RGS17: variants seen among roughly 807,000 people sequenced by gnomAD.
RGS17 encodes the protein regulator of G protein signaling 17.
In RGS17, 12 loss-of-function variants were observed where a neutral mutation model predicts 25.5. The ratio of observed to expected loss-of-function variants is 0.47; its 90% CI spans 0.30 to 0.76. The LOEUF is 0.76. Ranked by LOEUF, RGS17 falls within the 30% of genes least tolerant of loss-of-function variation. The probability of loss-of-function intolerance (pLI) is 0.07; values close to 1 mark genes in which losing one functional copy is unlikely to be tolerated. For synonymous variants in RGS17, 71 were observed against 76.9 expected, an observed-to-expected ratio of 0.92 and a Z score of 0.40; for missense variants, 196 against 242.2, an observed-to-expected ratio of 0.81 and a Z score of 1.27.
At chr6:153,129,009 G>C (rs1199923473) in intron 1 of RGS17, among the ~76,000 whole-genome samples, 1 of 152,104 alleles carries the variant, frequency 6.6e-6, no homozygotes, top group Non-Finnish European at 1.5e-5. Context: ...TAAATTCGAC[G>C]GTTTTCTTAA....
intron 1 of RGS17, among the ~76,000 whole-genome samples, chr6:153,109,985 G>GT (rs1397162251): frequency 6.6e-6 from 1 of 152,158 alleles, no homozygotes; most frequent in East Asian, 1.9e-4. Context: ...ATGATATACT[G>GT]TTTCCTAATA....
At chr6:153,071,200 T>C (rs1776798543) in intron 1 of RGS17, among the ~76,000 whole-genome samples, 1 of 150,544 alleles carries the variant, frequency 6.6e-6, no homozygotes, top group African/African-American at 2.4e-5. Context: ...TCAATATATA[T>C]ACACACAGTC....
chr6:153,010,261 A>G lies in RGS17; in HGVS notation c.*1313T>C, dbSNP rs1331315961. On this transcript the variant is annotated 3_prime_UTR_variant, in exon 5 of 5. Coordinates refer to ENST00000206262, the MANE Select transcript of RGS17 (RefSeq NM_012419.5). ...ACTGATTATTTTAATTATCACTTTT[A>G]TGCATGACAGAATATTGTTTCCTTG... 1 of 151,996 alleles carries G rather than the reference A, an allele frequency of 6.6e-6. No homozygotes were observed. Among genetic ancestry groups the G allele is most frequent in the Non-Finnish European group, 1.5e-5 (1 of 67,866 alleles). 9.4% of individuals were successfully genotyped at this position (151,996 alleles called of 1,614,324 possible).
At chr6:153,058,783 T>C (rs1024154650) in intron 1 of RGS17, among the ~76,000 whole-genome samples, 7 of 152,192 alleles carry the variant, frequency 4.6e-5, no homozygotes, top group Non-Finnish European at 7.3e-5. Flanking sequence ...AGCCAGCATA[T>C]ATCTATGCAA....
At chr6:153,040,336 G>C (rs1484896405) in intron 2 of RGS17, among the ~76,000 whole-genome samples, 115 of 152,142 alleles carry the variant, frequency 7.6e-4, no homozygotes, top group Admixed American at 6.6e-5. Context: ...AAAAAATGTG[G>C]TGGTAATGTT....
At chr6:153,128,005 G>C (rs1777728155) in intron 1 of RGS17, among the ~76,000 whole-genome samples, 1 of 152,226 alleles carries the variant, frequency 6.6e-6, no homozygotes, top group Admixed American at 6.5e-5. Context: ...TGGAAGTTAG[G>C]AAAGTGTCTT....
At position 153,006,104 on chromosome 6, in the gene RGS17, G is replaced by C. The variant is rs1308932710; in HGVS notation, c.*5470C>G. ...GGGCTCAAGTGATCCTCACGCCTTA[G>C]TCTCCCAAAGTGCTGGGATTGTATG... On this transcript the variant is annotated 3_prime_UTR_variant, in exon 5 of 5. Transcript: ENST00000206262. 1 of 152,152 alleles carries C rather than the reference G, an allele frequency of 6.6e-6. No homozygotes were observed. Among genetic ancestry groups the C allele is most frequent in the Admixed American group, 6.5e-5 (1 of 15,284 alleles). The allele number at this position is 152,152 out of a possible 1,614,324, so 9.4% of individuals were successfully genotyped here.
intron 1 of RGS17, among the ~76,000 whole-genome samples, chr6:153,119,019 T>G (rs1035515892): frequency 2.0e-5 from 3 of 152,214 alleles, no homozygotes; most frequent in African/African-American, 7.2e-5. Flanking sequence ...TATACATGTA[T>G]GTATGCATGT....
At chr6:153,078,079 G>C (rs1776912953) in intron 1 of RGS17, among the ~76,000 whole-genome samples, 1 of 152,012 alleles carries the variant, frequency 6.6e-6, no homozygotes, top group East Asian at 1.9e-4. Flanking sequence ...TCACAATGTG[G>C]GCCAGGCTGG....
intron 1 of RGS17, among the ~76,000 whole-genome samples, chr6:153,103,703 GTATCT>G (rs1228532766): frequency 1.3e-5 from 2 of 152,330 alleles, no homozygotes; most frequent in Non-Finnish European, 1.5e-5. Flanking sequence ...CTTTAAAAAT[GTATCT>G]TATCTTTTCT....
intron 4 of RGS17, among the ~76,000 whole-genome samples, chr6:153,013,149 T>G (rs1779151022): frequency 6.6e-6 from 1 of 152,250 alleles, no homozygotes; most frequent in African/African-American, 2.4e-5. Flanking sequence ...CTGGCACCAT[T>G]TTTCCAATAG....
chr6:153,054,507 C>T (rs1376720971), intron 1 of RGS17, among the ~76,000 whole-genome samples: 2 of 151,608 alleles, frequency 1.3e-5, no homozygotes, highest in African/African-American at 2.4e-5. Context: ...AAAAATTAGC[C>T]AGGCATGGTG....
At chr6:153,111,016 G>T (rs1379333065) in intron 1 of RGS17, among the ~76,000 whole-genome samples, 1 of 152,042 alleles carries the variant, frequency 6.6e-6, no homozygotes, top group Non-Finnish European at 1.5e-5. Context: ...GCAGCCATTT[G>T]GGCAGACACC....
intron 1 of RGS17, among the ~76,000 whole-genome samples, chr6:153,070,783 A>G (rs955126437): frequency 6.6e-6 from 1 of 151,278 alleles, no homozygotes. Flanking sequence ...ACACATATAC[A>G]TATATACACA....
intron 1 of RGS17, among the ~76,000 whole-genome samples, chr6:153,128,110 G>A (rs1460108148): frequency 6.6e-6 from 1 of 152,152 alleles, no homozygotes; most frequent in African/African-American, 2.4e-5. Flanking sequence ...GCTACCTATA[G>A]CAAAGGATTA....
intron 1 of RGS17, among the ~76,000 whole-genome samples, chr6:153,084,023 T>G (rs1246228670): frequency 6.6e-6 from 1 of 152,222 alleles, no homozygotes; most frequent in African/African-American, 2.4e-5. Context: ...GCTGTCAGCA[T>G]GTAGTGATGA....
At chr6:153,044,239 C>T (rs1160401480) in intron 1 of RGS17, among the ~76,000 whole-genome samples, 196 bp from the exon 2 acceptor site, 2 of 152,122 alleles carry the variant, frequency 1.3e-5, no homozygotes, top group African/African-American at 4.8e-5. Flanking sequence ...TGGGGAGGAA[C>T]GTCTACCTTT....
chr6:153,090,931 T>C (rs1327918717), intron 1 of RGS17, among the ~76,000 whole-genome samples: 1 of 152,164 alleles, frequency 6.6e-6, no homozygotes, highest in Non-Finnish European at 1.5e-5. Context: ...GGGACTACTG[T>C]ACACATTTTC....
chr6:153,122,280 C>T (rs534272246), intron 1 of RGS17, among the ~76,000 whole-genome samples: 1 of 152,236 alleles, frequency 6.6e-6, no homozygotes, highest in East Asian at 1.9e-4. Flanking sequence ...TACATTGACA[C>T]ATAAAATCAT....
Sources: gnomAD v4.1 joint callset for allele counts (sites outside exome capture counted in the v4.1 genomes callset) on GRCh38, gnomAD v4.1.1 for gene constraint, MANE v1.5 for transcripts, NCBI Gene and HGNC (gene_info 2026-07-23, HGNC 2026-07-21) for gene names.